Variants in VWC2 observed in about 807,000 individuals in gnomAD.
VWC2 encodes the protein von Willebrand factor C domain containing 2, also known as brorin.
In VWC2, 14 loss-of-function variants were observed where a neutral mutation model predicts 29.8. That is an observed-to-expected ratio of 0.47 (90% CI 0.31 to 0.74). The LOEUF (loss-of-function observed/expected upper bound fraction) is 0.74. Ranked by LOEUF, VWC2 falls within the 30% of genes least tolerant of loss-of-function variation. The probability of loss-of-function intolerance (pLI) is 0.05; values close to 1 mark genes in which losing one functional copy is unlikely to be tolerated. For synonymous variants in VWC2, 213 were observed against 199.0 expected, an observed-to-expected ratio of 1.07 and a Z score of -0.59; for missense variants, 457 against 459.8, an observed-to-expected ratio of 0.99 and a Z score of 0.05.
chr7:49,879,451 G>C (rs957984433), intron 3 of VWC2, among the ~76,000 whole-genome samples: 1 of 152,152 alleles, frequency 6.6e-6, no homozygotes, highest in Non-Finnish European at 1.5e-5. Flanking sequence ...GTACCAGACA[G>C]CATGCCATGT....
At chr7:49,856,716 T>G (rs570801212) in intron 3 of VWC2, among the ~76,000 whole-genome samples, 5 of 152,308 alleles carry the variant, frequency 3.3e-5, no homozygotes, top group South Asian at 4.1e-4. Flanking sequence ...CTTTTGGTTT[T>G]GTTTTGTTCT....
chr7:49,872,915 CAAAAAAAAA>C (rs61473396), intron 3 of VWC2, among the ~76,000 whole-genome samples: 6 of 33,960 alleles, frequency 1.8e-4, no homozygotes, highest in East Asian at 2.2e-3. Context: ...GACTTTGTCT[CAAAAAAAAA>C]AAAAAAAAAA....
At chr7:49,783,266 G>C (rs1290927716) in intron 2 of VWC2, among the ~76,000 whole-genome samples, 1 of 152,090 alleles carries the variant, frequency 6.6e-6, no homozygotes, top group Non-Finnish European at 1.5e-5. Context: ...CCCCCTCCAG[G>C]AGACAGGCAG....
chr7:49,774,373 G>A (rs1310853894), intron 1 of VWC2, among the ~76,000 whole-genome samples: 1 of 152,222 alleles, frequency 6.6e-6, no homozygotes, highest in Non-Finnish European at 1.5e-5. Context: ...AGTGCGCAGA[G>A]TGGGGGCGTT....
intron 3 of VWC2, among the ~76,000 whole-genome samples, chr7:49,846,228 C>A (rs1001105469): frequency 6.6e-6 from 1 of 152,164 alleles, no homozygotes; most frequent in African/African-American, 2.4e-5. Flanking sequence ...AAAGAGTCGC[C>A]CCCAAGACTG....
At chr7:49,800,146 C>G (rs1788705456) in intron 2 of VWC2, among the ~76,000 whole-genome samples, 2 of 152,330 alleles carry the variant, frequency 1.3e-5, no homozygotes, top group African/African-American at 4.8e-5. Flanking sequence ...TATTCTGTGG[C>G]ATGGATTCAA....
chr7:49,830,168 C>T (rs1255763170), intron 3 of VWC2, among the ~76,000 whole-genome samples: 3 of 152,094 alleles, frequency 2.0e-5, no homozygotes, highest in African/African-American at 4.8e-5. Flanking sequence ...TGGTTCTCTT[C>T]CTTTTCAAAG....
At chr7:49,852,293 G>A (rs1790211771) in intron 3 of VWC2, among the ~76,000 whole-genome samples, 1 of 152,206 alleles carries the variant, frequency 6.6e-6, no homozygotes, top group Non-Finnish European at 1.5e-5. Flanking sequence ...CTGTGGCTGT[G>A]CTCTTCAAGG....
At chr7:49,782,690 G>GAA (rs149219445) in intron 2 of VWC2, among the ~76,000 whole-genome samples, 50 of 128,812 alleles carry the variant, frequency 3.9e-4, no homozygotes, top group Middle Eastern at 4.0e-3. Context: ...ACAACAAATT[G>GAA]AAAAAAAAAA....
chr7:49,777,664 C>T (rs1340117996), intron 2 of VWC2, among the ~76,000 whole-genome samples: 5 of 152,166 alleles, frequency 3.3e-5, no homozygotes, highest in Non-Finnish European at 7.3e-5. Context: ...ATGAACCACG[C>T]CCAGGCCATG....
chr7:49,777,689 T>G (rs958352535), intron 2 of VWC2, among the ~76,000 whole-genome samples: 1 of 152,086 alleles, frequency 6.6e-6, no homozygotes, highest in Non-Finnish European at 1.5e-5. Context: ...ATTAACTAAA[T>G]CAGAAACCCT....
chr7:49,884,027 G>A (rs932062558), intron 3 of VWC2, among the ~76,000 whole-genome samples: 1 of 152,188 alleles, frequency 6.6e-6, no homozygotes, highest in Non-Finnish European at 1.5e-5. Context: ...GCCAGCCAAG[G>A]TAGGAGGCAA....
chr7:49,779,038 G>GGAGA lies in VWC2; in HGVS notation c.696+2926_696+2929dup, dbSNP rs58968931. Among the ~76,000 whole-genome samples, 167 of 149,938 alleles carry GGAGA rather than the reference G, an allele frequency of 1.1e-3. 1 individual carries two copies. Among genetic ancestry groups the GGAGA allele is most frequent in the African/African-American group, 2.9e-3 (118 of 40,906 alleles). ...CAGTCTGTTCTCTGCTTCCAGAGAG[G>GGAGA]GAGAGAGAGAGAGAGAGAGAGACAG... is the stretch of plus-strand genomic sequence containing the variant. On this transcript the variant is annotated intron_variant, in intron 2 of 3. Transcript: ENST00000340652.
intron 3 of VWC2, among the ~76,000 whole-genome samples, chr7:49,859,745 T>C (rs1790570440): frequency 6.6e-6 from 1 of 151,954 alleles, no homozygotes; most frequent in African/African-American, 2.4e-5. Context: ...CTCCATCTAT[T>C]TCTCCCTACA....
chr7:49,840,976 T>C (rs948649063), intron 3 of VWC2, among the ~76,000 whole-genome samples: 7 of 152,180 alleles, frequency 4.6e-5, no homozygotes, highest in Non-Finnish European at 1.0e-4. Context: ...TCAGATGGTG[T>C]CAGGAGAAGA....
Position 49,775,553 on chromosome 7 carries a change from C to G in VWC2, c.118C>G (p.Pro40Ala). 6.4e-7 allele frequency: 1 copy of G among 1,554,720 alleles called. No individual in the cohort carries two copies. The highest frequency in any genetic ancestry group is 8.7e-7 in the Non-Finnish European group (1 of 1,153,544). Residue 40 changes from proline (P) to alanine (A), a missense_variant, in exon 2 of 4, where the codon CCA becomes GCA. By Grantham distance (27) the Pro-to-Ala change is conservative (BLOSUM62 -1). Transcript: ENST00000340652. ...SIPLEKLAQA[P>A]EQPGQEKREH... is the part of the protein sequence containing the mutation. ...CCCGCTGGAGAAGCTGGCCCAGGCA[C>G]CAGAGCAGCCGGGCCAGGAGAAGCG...
chr7:49,786,081 C>A (rs1417482630), intron 2 of VWC2, among the ~76,000 whole-genome samples: 1 of 152,178 alleles, frequency 6.6e-6, no homozygotes, highest in East Asian at 1.9e-4. Context: ...ATGATCACAT[C>A]ACTCAGGTAC....
chr7:49,826,723 T>C (rs1354418091), intron 3 of VWC2, among the ~76,000 whole-genome samples: 1 of 152,210 alleles, frequency 6.6e-6, no homozygotes, highest in South Asian at 2.1e-4. Flanking sequence ...AGGAAATTTT[T>C]GGTGGTTTCA....
intron 3 of VWC2, among the ~76,000 whole-genome samples, chr7:49,852,743 C>T (rs1790232691): frequency 6.6e-6 from 1 of 152,140 alleles, no homozygotes; most frequent in Non-Finnish European, 1.5e-5. Flanking sequence ...AAGTGATCGT[C>T]TTAATCAACT....
Sources: allele counts gnomAD v4.1 joint callset (sites outside exome capture counted in the v4.1 genomes callset), GRCh38; gene constraint gnomAD v4.1.1; transcripts MANE v1.5; gene names NCBI Gene and HGNC (gene_info 2026-07-23, HGNC 2026-07-21).